AGBL4: variants seen among roughly 807,000 people sequenced by gnomAD.
The protein encoded by AGBL4 is cytosolic carboxypeptidase 6.
AGBL4 carries 58 observed loss-of-function variants against 66.4 expected under a neutral mutation model. That is an observed-to-expected ratio of 0.87 (90% CI 0.71 to 1.09). The LOEUF is 1.09. AGBL4 is among the 50% of genes least tolerant of loss of function. The probability of loss-of-function intolerance (pLI) is 0.00; values close to 1 mark genes in which losing one functional copy is unlikely to be tolerated. For synonymous variants in AGBL4, 234 were observed against 222.9 expected, an observed-to-expected ratio of 1.05 and a Z score of -0.44; for missense variants, 579 against 631.0, an observed-to-expected ratio of 0.92 and a Z score of 0.88.
Position 49,080,261 on chromosome 1 carries a change from G to A in AGBL4, c.378-34461C>T, listed in dbSNP as rs144951952. On this transcript the variant is annotated intron_variant, in intron 4 of 13. Coordinates refer to ENST00000371839, the MANE Select transcript of AGBL4 (RefSeq NM_032785.4). ...AGTTAATGTTCAAGGAGAGTACAAA[G>A]CTGAACTATTTTCAAAGGTGTAAGC... 3.9e-5 allele frequency among the ~76,000 whole-genome samples: 6 copies of A among 152,238 alleles called. No individual in the cohort carries two copies. In the South Asian group the frequency reaches 8.3e-4, roughly 21 times the overall value.
chr1:49,244,198 A>G (rs1390305131), intron 4 of AGBL4, among the ~76,000 whole-genome samples: 1 of 151,904 alleles, frequency 6.6e-6, no homozygotes, highest in Non-Finnish European at 1.5e-5. Flanking sequence ...AACACAGAAT[A>G]TGGAAAAATA....
At chr1:49,292,754 A>T (rs1468953662) in intron 3 of AGBL4, among the ~76,000 whole-genome samples, 1 of 151,420 alleles carries the variant, frequency 6.6e-6, no homozygotes, top group Non-Finnish European at 1.5e-5. Flanking sequence ...AGAGCTGAAC[A>T]CTCAACATGA....
At chr1:49,313,041 C>T (rs1644968897) in intron 3 of AGBL4, among the ~76,000 whole-genome samples, 1 of 151,822 alleles carries the variant, frequency 6.6e-6, no homozygotes, top group African/African-American at 2.4e-5. Context: ...CAACCCCCAA[C>T]AGGCCCCAGT....
intron 8 of AGBL4, 41 bp downstream of exon 8, chr1:48,653,296 C>T: frequency 6.9e-7 from 1 of 1,459,118 alleles, no homozygotes; most frequent in South Asian, 1.3e-5. Context: ...TACTACCATC[C>T]TATAAGTACT....
At chr1:49,881,164 T>A (rs1319370858) in intron 1 of AGBL4, among the ~76,000 whole-genome samples, 2 of 152,172 alleles carry the variant, frequency 1.3e-5, no homozygotes, top group Non-Finnish European at 2.9e-5. Context: ...CTGTTCCTAT[T>A]TGGCCATCTT....
chr1:49,671,415 T>C (rs1319069649), intron 3 of AGBL4, among the ~76,000 whole-genome samples: 1 of 152,052 alleles, frequency 6.6e-6, no homozygotes, highest in African/African-American at 2.4e-5. Context: ...ATCCTGGACG[T>C]GGGAACGGGC....
At position 49,124,424 on chromosome 1, in the gene AGBL4, C is replaced by T. The variant is rs368717213; in HGVS notation, c.378-78624G>A. 6.7e-4 allele frequency among the ~76,000 whole-genome samples: 102 copies of T among 152,300 alleles called. 3 individuals are homozygous for T. In the South Asian group the frequency reaches 0.019, roughly 28 times the overall value. On this transcript the variant is annotated intron_variant, in intron 4 of 13. Coordinates refer to ENST00000371839, the MANE Select transcript of AGBL4 (RefSeq NM_032785.4). ...CATCTGCCTGGCTGGAGCCCTCCCT[C>T]ATCAGCTGCTATTGGATAATTAACT...
chr1:49,069,429 C>A (rs1171073375), intron 4 of AGBL4, among the ~76,000 whole-genome samples: 1 of 150,254 alleles, frequency 6.7e-6, no homozygotes, highest in South Asian at 2.1e-4. Context: ...GGAAGGGATC[C>A]AGTTTCAGCT....
At chr1:49,016,859 T>C (rs1019377591) in intron 5 of AGBL4, among the ~76,000 whole-genome samples, 1 of 152,182 alleles carries the variant, frequency 6.6e-6, no homozygotes, top group Non-Finnish European at 1.5e-5. Context: ...GATACTGTCC[T>C]TGAGACCACA....
intron 1 of AGBL4, among the ~76,000 whole-genome samples, chr1:49,993,074 T>C (rs1176418184): frequency 6.6e-6 from 1 of 152,252 alleles, no homozygotes; most frequent in African/African-American, 2.4e-5. Flanking sequence ...TCCCTACTTA[T>C]AGTGAAATGT....
At chr1:48,581,522 T>C (rs1644739845) in intron 11 of AGBL4, among the ~76,000 whole-genome samples, 1 of 152,212 alleles carries the variant, frequency 6.6e-6, no homozygotes. Flanking sequence ...AAGCTCTGGG[T>C]TACTTTATGA....
At chr1:48,747,951 T>G (rs1651024934) in intron 6 of AGBL4, among the ~76,000 whole-genome samples, 1 of 152,200 alleles carries the variant, frequency 6.6e-6, no homozygotes, top group African/African-American at 2.4e-5. Flanking sequence ...AAAAAAGGAC[T>G]AAATCCTTTT....
intron 2 of AGBL4, among the ~76,000 whole-genome samples, chr1:49,735,272 A>G (rs1649771067): frequency 6.7e-6 from 1 of 149,740 alleles, no homozygotes; most frequent in African/African-American, 2.5e-5. Flanking sequence ...AAATGTCCTT[A>G]AAACAAAGAG....
intron 5 of AGBL4, among the ~76,000 whole-genome samples, chr1:48,927,135 G>A (rs763707274): frequency 6.6e-6 from 1 of 152,150 alleles, no homozygotes. Flanking sequence ...GCAGCCACAA[G>A]GAACAGGGAA....
chr1:48,807,245 C>T (rs1453118610), intron 6 of AGBL4, among the ~76,000 whole-genome samples: 2 of 152,236 alleles, frequency 1.3e-5, no homozygotes, highest in Admixed American at 1.3e-4. Flanking sequence ...GGATTCATCT[C>T]TGTGCCTCTG....
At chr1:49,586,050 C>T (rs1214436228) in intron 3 of AGBL4, among the ~76,000 whole-genome samples, 2 of 152,082 alleles carry the variant, frequency 1.3e-5, no homozygotes, top group African/African-American at 2.4e-5. Flanking sequence ...AAGTGAATTG[C>T]TTATTTTTGC....
At chr1:49,072,559 G>C (rs578006827) in intron 4 of AGBL4, among the ~76,000 whole-genome samples, 1 of 152,174 alleles carries the variant, frequency 6.6e-6, no homozygotes, top group Admixed American at 6.5e-5. Flanking sequence ...TAGGAATGTT[G>C]AATATTGGCC....
At chr1:48,811,951 C>T (rs1646061162) in intron 6 of AGBL4, among the ~76,000 whole-genome samples, 2 of 152,152 alleles carry the variant, frequency 1.3e-5, no homozygotes, top group Admixed American at 6.5e-5. Flanking sequence ...CAAGGTCTTA[C>T]ACAGGGATTG....
chr1:49,834,610 C>T (rs1028925431), intron 2 of AGBL4, among the ~76,000 whole-genome samples: 1 of 152,096 alleles, frequency 6.6e-6, no homozygotes, highest in Non-Finnish European at 1.5e-5. Context: ...TTCTTGTCTT[C>T]TGTTAGCTTT....
Sources: gnomAD v4.1 joint callset for allele counts (sites outside exome capture counted in the v4.1 genomes callset) on GRCh38, gnomAD v4.1.1 for gene constraint, MANE v1.5 for transcripts, NCBI Gene and HGNC (gene_info 2026-07-23, HGNC 2026-07-21) for gene names.